NDUFAF6: variants seen among roughly 807,000 people sequenced by gnomAD.
The protein encoded by NDUFAF6 is NADH dehydrogenase (ubiquinone) complex I, assembly factor 6.
Under a neutral mutation model 40.8 loss-of-function variants are expected in NDUFAF6, and 45 were observed. The ratio of observed to expected loss-of-function variants is 1.10; its 90% CI spans 0.87 to 1.42. The LOEUF (loss-of-function observed/expected upper bound fraction) is 1.42, where lower values mean the gene tolerates loss of function less well. Among genes scored for constraint, NDUFAF6 ranks in the 40% most tolerant of loss-of-function variants. The pLI is 0.00. For synonymous variants in NDUFAF6, 185 were observed against 155.9 expected (o/e 1.19, Z -1.39); for missense variants, 435 against 418.5 (o/e 1.04, Z -0.34).
At chr8:95,018,149 C>T (rs28406132) in intron 2 of NDUFAF6, among the ~76,000 whole-genome samples, 18,993 of 151,724 alleles carry the variant, frequency 0.13, 1,236 homozygotes, top group Middle Eastern at 0.23. Context: ...TGAAAAATCC[C>T]TCCAACTCAG....
chr8:94,968,288 T>C (rs760089940), intron 1 of NDUFAF6, among the ~76,000 whole-genome samples: 1 of 152,196 alleles, frequency 6.6e-6, no homozygotes, highest in Non-Finnish European at 1.5e-5. Context: ...GTTCAGATCA[T>C]GGGGAACCAC....
intron 1 of NDUFAF6, chr8:94,974,995 G>T (rs1824802222): frequency 6.6e-6 from 1 of 152,324 alleles, no homozygotes; most frequent in Non-Finnish European, 1.5e-5. Context: ...GTCAAACCAA[G>T]ATCTGCGAGG....
intron 1 of NDUFAF6, among the ~76,000 whole-genome samples, chr8:94,969,730 CATT>C (rs1349440669): frequency 2.0e-5 from 3 of 152,086 alleles, no homozygotes; most frequent in Non-Finnish European, 4.4e-5. Context: ...AATAACCAAA[CATT>C]ATAATAAAAC....
chr8:95,115,259 G>T (rs1200046777), intron 4 of NDUFAF6, among the ~76,000 whole-genome samples: 1 of 152,060 alleles, frequency 6.6e-6, no homozygotes, highest in East Asian at 1.9e-4. Flanking sequence ...AAGGCTGAAG[G>T]GTCTTATTTA....
intron 1 of NDUFAF6, among the ~76,000 whole-genome samples, chr8:94,903,885 T>G (rs1818194022): frequency 6.6e-6 from 1 of 152,136 alleles, no homozygotes; most frequent in Admixed American, 6.5e-5. Flanking sequence ...CCAGGATGTG[T>G]GGGGCAGGCA....
chr8:94,986,620 A>T (rs1005904850), intron 2 of NDUFAF6, among the ~76,000 whole-genome samples: 1 of 152,256 alleles, frequency 6.6e-6, no homozygotes, highest in Non-Finnish European at 1.5e-5. Flanking sequence ...TCTAATAAAA[A>T]AATGCAATTC....
At chr8:95,052,066 C>T in intron 7 of NDUFAF6, 108 bp from the exon 8 acceptor site, 1 of 1,012,312 alleles carries the variant, frequency 9.9e-7, no homozygotes, top group Non-Finnish European at 1.6e-6. Context: ...TGTTTTCTTG[C>T]ATTTGAGAGA....
Position 95,025,017 on chromosome 8 carries a change from C to T in NDUFAF6, c.9C>T (p.Ala3=), listed in dbSNP as rs897112748. 19 of 1,344,732 alleles carry T rather than the reference C, an allele frequency of 1.4e-5. No individual in the cohort carries two copies. The highest frequency in any genetic ancestry group is 1.8e-5 in the Non-Finnish European group (19 of 1,056,480). The allele number at this position is 1,344,732 out of a possible 1,614,324, so 83.3% of individuals were successfully genotyped here. A position where few individuals can be genotyped will look rare whatever the true frequency, so the allele number is the denominator to read the frequency against. Residue 3 remains alanine (A), a synonymous_variant, in exon 1 of 9, where the codon GCC becomes GCT. Coordinates refer to ENST00000396124, the MANE Select transcript of NDUFAF6 (RefSeq NM_152416.4). MA[A]SAHGSVWGPL... ...CACGCAGTGCCGGCGTCATGGCGGC[C>T]TCCGCGCACGGCTCTGTCTGGGGGC...
At chr8:94,922,316 G>T (rs187317123) in intron 1 of NDUFAF6, among the ~76,000 whole-genome samples, 1 of 151,348 alleles carries the variant, frequency 6.6e-6, no homozygotes, top group Admixed American at 6.6e-5. Flanking sequence ...GGCCAAATCC[G>T]TGTTTCAATA....
intron 9 of NDUFAF6, among the ~76,000 whole-genome samples, chr8:95,073,708 A>G (rs1242966294): frequency 1.3e-5 from 2 of 152,186 alleles, no homozygotes; most frequent in African/African-American, 4.8e-5. Context: ...CTTACAGGAC[A>G]TGTCGAGGAC....
intron 2 of NDUFAF6, among the ~76,000 whole-genome samples, chr8:94,992,173 A>G (rs1826223973): frequency 6.6e-6 from 1 of 152,054 alleles, no homozygotes; most frequent in South Asian, 2.1e-4. Flanking sequence ...GGGCCCAGAG[A>G]GAATTTCAAC....
chr8:94,932,004 A>G, intron 1 of NDUFAF6: 1 of 1,469,584 alleles, frequency 6.8e-7, no homozygotes, highest in Non-Finnish European at 9.3e-7. Flanking sequence ...TTAAAAGGTC[A>G]GCATTTGGGT....
intron 9 of NDUFAF6, among the ~76,000 whole-genome samples, chr8:95,063,738 AATTTC>A (rs1832628168): frequency 6.6e-6 from 1 of 152,160 alleles, no homozygotes; most frequent in Non-Finnish European, 1.5e-5. Context: ...CTACATAATG[AATTTC>A]TCAGGGAGTA....
rs146282014 is a variant in NDUFAF6, at chr8:94,931,609, C to CACACAT, written c.-935-13873_-935-13872insCACATA. 6.9e-3 allele frequency among the ~76,000 whole-genome samples: 1,054 copies of CACACAT among 151,672 alleles called. 9 individuals carry two copies. Among genetic ancestry groups the CACACAT allele is most frequent in the African/African-American group, 0.024 (1,004 of 41,282 alleles). ...TATTACACACACACACACACACACA[C>CACACAT]ATAAAATTTTTTTAAAGTAGAATTT... On this transcript the variant is annotated intron_variant, in intron 1 of 14. Transcript: ENST00000396113.
At chr8:94,992,345 G>A (rs1186984246) in intron 2 of NDUFAF6, among the ~76,000 whole-genome samples, 2 of 152,010 alleles carry the variant, frequency 1.3e-5, no homozygotes, top group African/African-American at 4.8e-5. Context: ...AAATCAGCTG[G>A]GCATGGTGGT....
At chr8:95,020,108 A>G (rs1032655405), upstream of NDUFAF6, among the ~76,000 whole-genome samples, 10 of 152,136 alleles carry the variant, frequency 6.6e-5, no homozygotes, top group African/African-American at 2.4e-4. Flanking sequence ...CTGAGGCAGG[A>G]TAATTGCTTG....
chr8:94,988,526 A>G (rs1826047168), intron 2 of NDUFAF6: 1 of 152,022 alleles, frequency 6.6e-6, no homozygotes, highest in Non-Finnish European at 1.5e-5. Context: ...TTTTTCCCTC[A>G]AAAGTGGGAA....
At chr8:95,032,225 T>G in intron 2 of NDUFAF6, 131 bp downstream of exon 2, 1 of 788,582 alleles carries the variant, frequency 1.3e-6, no homozygotes, top group Non-Finnish European at 2.1e-6. Flanking sequence ...TGATTTCTTT[T>G]CCCTGCTAAC....
intron 2 of NDUFAF6, among the ~76,000 whole-genome samples, chr8:94,947,640 A>G (rs920581277): frequency 5.9e-5 from 9 of 152,246 alleles, no homozygotes; most frequent in Non-Finnish European, 1.3e-4. Flanking sequence ...CTGTTCAACT[A>G]GTGTGCAAGG....
Sources: gnomAD v4.1 joint callset for allele counts (sites outside exome capture counted in the v4.1 genomes callset) on GRCh38, gnomAD v4.1.1 for gene constraint, MANE v1.5 for transcripts, NCBI Gene and HGNC (gene_info 2026-07-23, HGNC 2026-07-21) for gene names.